The following MYT1L variants were observed in gnomAD, a reference collection of about 807,000 sequenced individuals.
MYT1L encodes myelin transcription factor 1 like, also known as myelin transcription factor 1-like protein.
A neutral mutation model predicts 126.7 loss-of-function variants in MYT1L; 12 were observed. The ratio of observed to expected loss-of-function variants is 0.09; its 90% CI spans 0.06 to 0.15. The LOEUF (loss-of-function observed/expected upper bound fraction) is 0.15, where lower values mean the gene tolerates loss of function less well. Ranked by LOEUF, MYT1L falls within the 10% of genes least tolerant of loss-of-function variation. The pLI is 1.00. For synonymous variants in MYT1L, 541 were observed against 604.2 expected (o/e 0.90, Z 1.53); for missense variants, 979 against 1,585.2 (o/e 0.62, Z 6.49).
At chr2:1,976,204 G>A (rs1242133501) in intron 8 of MYT1L, among the ~76,000 whole-genome samples, 1 of 151,728 alleles carries the variant, frequency 6.6e-6, no homozygotes, top group African/African-American at 2.4e-5. Context: ...GAAGAAGCCT[G>A]GTGTCCTATT....
intron 3 of MYT1L, among the ~76,000 whole-genome samples, chr2:2,083,575 T>C (rs1019425616): frequency 2.0e-5 from 3 of 152,166 alleles, no homozygotes; most frequent in African/African-American, 4.8e-5. Context: ...ATTCACTCTA[T>C]AGGAAACCGG....
chr2:1,981,476 G>A (rs10178240), intron 5 of MYT1L, among the ~76,000 whole-genome samples: 29,366 of 152,130 alleles, frequency 0.19, 4,333 homozygotes, highest in African/African-American at 0.42. Flanking sequence ...CTAGAGGCTT[G>A]ATATGCAGTT....
intron 19 of MYT1L, among the ~76,000 whole-genome samples, chr2:1,850,022 GC>G (rs2043004828): frequency 1.7e-5 from 2 of 118,650 alleles, no homozygotes; most frequent in Non-Finnish European, 1.8e-5. Context: ...GCTCTAGGGG[GC>G]GGGGTGGTGA....
At chr2:1,955,828 T>C (rs184981306) in intron 8 of MYT1L, among the ~76,000 whole-genome samples, 18 of 152,228 alleles carry the variant, frequency 1.2e-4, no homozygotes, top group Non-Finnish European at 1.9e-4. Context: ...ATTCTTATCC[T>C]ATTTATGTAC....
chr2:2,281,065 A>G (rs1226030369), intron 2 of MYT1L, among the ~76,000 whole-genome samples: 1 of 152,170 alleles, frequency 6.6e-6, no homozygotes, highest in Non-Finnish European at 1.5e-5. Flanking sequence ...TAATCCCCAC[A>G]TGTTGTGGGA....
At chr2:2,255,291 C>T (rs999276233) in intron 2 of MYT1L, among the ~76,000 whole-genome samples, 2 of 152,188 alleles carry the variant, frequency 1.3e-5, no homozygotes, top group Non-Finnish European at 2.9e-5. Context: ...CCAACACACA[C>T]TCATTACCCT....
intron 9 of MYT1L, among the ~76,000 whole-genome samples, chr2:1,937,530 ATGT>A (rs2056107522): frequency 5.9e-5 from 9 of 151,890 alleles, no homozygotes; most frequent in Non-Finnish European, 1.3e-4. Flanking sequence ...GAAGGCCCTA[ATGT>A]CCGCAGCCAT....
chr2:2,070,693 G>A (rs2074497159), intron 3 of MYT1L, among the ~76,000 whole-genome samples: 1 of 152,168 alleles, frequency 6.6e-6, no homozygotes, highest in African/African-American at 2.4e-5. Context: ...GGCAACATCA[G>A]TTATAATAAT....
At chr2:1,991,425 C>T (rs2061446675) in intron 5 of MYT1L, among the ~76,000 whole-genome samples, 1 of 152,130 alleles carries the variant, frequency 6.6e-6, no homozygotes, top group Non-Finnish European at 1.5e-5. Flanking sequence ...GCCCCTGAGA[C>T]TCTGGGATTA....
At chr2:2,189,035 C>T (rs970847864) in intron 2 of MYT1L, among the ~76,000 whole-genome samples, 20 of 152,144 alleles carry the variant, frequency 1.3e-4, no homozygotes, top group African/African-American at 4.6e-4. Flanking sequence ...CCCAGCGTAG[C>T]CAAGAACATA....
At chr2:2,122,539 A>G (rs574422887) in intron 3 of MYT1L, among the ~76,000 whole-genome samples, 266 of 152,302 alleles carry the variant, frequency 1.7e-3, no homozygotes, top group Non-Finnish European at 2.8e-3. Flanking sequence ...ACACGCTATC[A>G]TATACAAAGT....
rs980176692 is a variant in MYT1L at position 2,284,431 on chromosome 2, C to T, written c.-448G>A. The T allele has an allele frequency of 6.6e-6, 1 of 152,242 alleles. No individual in the cohort carries two copies. Among genetic ancestry groups the T allele is most frequent in the African/African-American group, 2.4e-5 (1 of 41,422 alleles). 9.4% of individuals were successfully genotyped at this position (152,242 alleles called of 1,614,324 possible). ...CACGCTGTGATCCCTCAAATGTCAA[C>T]GTGGATTGGACAAACGTCCAGGCAA... is the stretch of plus-strand genomic sequence containing the variant. On this transcript the variant is annotated 5_prime_UTR_variant, in exon 2 of 25. Transcript: ENST00000647738.
intron 4 of MYT1L, among the ~76,000 whole-genome samples, chr2:2,002,480 TG>T: frequency 6.6e-6 from 1 of 152,354 alleles, no homozygotes; most frequent in South Asian, 2.1e-4. Context: ...TGGATGCCAC[TG>T]GTAAGTGTCA....
Position 1,922,291 on chromosome 2 carries a change from C to A in MYT1L, c.1478G>T (p.Gly493Val). 6.2e-7 allele frequency: 1 copy of A among 1,613,456 alleles called. No homozygotes were observed. Among genetic ancestry groups the A allele is most frequent in the Non-Finnish European group, 8.5e-7 (1 of 1,179,514 alleles). ...ACGTTAGGTAGAAATATTACCTTTA[C>A]CATAGTATGGCTTTTTGACATGGCT... The part of the protein sequence containing the change: ...SDSHVKKPYY[G>V]KDPSRTEKKE... The change falls in exon 10 of 25, where the codon GGT (glycine) becomes GTT (valine). Residue 493 changes from glycine to valine, a missense_variant. Around this residue, in one of 12 missense-constraint regions of MYT1L, gnomAD observed 67 missense variants for 80.3 expected, o/e 0.83. Transcript: ENST00000647738. The surrounding 1 kb of genome is among the most constrained non-coding windows in gnomAD (Gnocchi z 7.4).
At chr2:2,049,384 A>G (rs2068559717) in intron 4 of MYT1L, among the ~76,000 whole-genome samples, 1 of 152,226 alleles carries the variant, frequency 6.6e-6, no homozygotes, top group South Asian at 2.1e-4. Context: ...ATACCTGCAT[A>G]TGGCTTTGTA....
At chr2:2,234,819 T>C (rs886076506) in intron 2 of MYT1L, among the ~76,000 whole-genome samples, 1 of 152,208 alleles carries the variant, frequency 6.6e-6, no homozygotes, top group African/African-American at 2.4e-5. Context: ...CATAGGCTAT[T>C]ATTTAAACAG....
At chr2:1,973,453 G>A (rs2059950538) in intron 8 of MYT1L, among the ~76,000 whole-genome samples, 1 of 152,068 alleles carries the variant, frequency 6.6e-6, no homozygotes, top group Admixed American at 6.6e-5. Flanking sequence ...AACACAAACA[G>A]TATTTTATAT....
chr2:1,830,222 C>T (rs116279278), intron 21 of MYT1L, among the ~76,000 whole-genome samples: 2,410 of 152,276 alleles, frequency 0.016, 54 homozygotes, highest in African/African-American at 0.054. Context: ...GGGGGTCAGG[C>T]AGCCTGGACC....
intron 5 of MYT1L, among the ~76,000 whole-genome samples, chr2:1,991,370 C>T (rs1174730491): frequency 2.6e-5 from 4 of 152,094 alleles, no homozygotes; most frequent in African/African-American, 7.2e-5. Context: ...GATCATGGCT[C>T]GCCGCAGCCT....
Sources: gnomAD v4.1 joint callset for allele counts (sites outside exome capture counted in the v4.1 genomes callset) on GRCh38, gnomAD v4.1.1 for gene constraint, gnomAD v4.1.1 regional missense constraint, Gnocchi (gnomAD v3.1) non-coding constraint, MANE v1.5 for transcripts, NCBI Gene and HGNC (gene_info 2026-07-23, HGNC 2026-07-21) for gene names.